Variants in MTMR12 observed in about 807,000 individuals in gnomAD.
MTMR12 encodes myotubularin-related protein 12.
A neutral mutation model predicts 96.7 loss-of-function variants in MTMR12; 33 were observed. The ratio of observed to expected loss-of-function variants is 0.34; its 90% confidence interval spans 0.26 to 0.46. The LOEUF (loss-of-function observed/expected upper bound fraction) is 0.46, where lower values mean the gene tolerates loss of function less well. MTMR12 is among the 20% of genes least tolerant of loss of function. MTMR12 has a pLI of 1.00. For synonymous variants in MTMR12, 298 were observed against 327.2 expected (o/e 0.91, Z 0.96); for missense variants, 721 against 896.1 (o/e 0.80, Z 2.49).
At chr5:32,245,309 T>C (rs1748637521) in intron 10 of MTMR12, among the ~76,000 whole-genome samples, 2 of 152,198 alleles carry the variant, frequency 1.3e-5, no homozygotes, top group South Asian at 4.1e-4. Flanking sequence ...GTGCTGCAAT[T>C]ATACACGTGA....
chr5:32,237,704 G>A (rs1316460444), intron 13 of MTMR12, among the ~76,000 whole-genome samples: 3 of 151,996 alleles, frequency 2.0e-5, no homozygotes, highest in African/African-American at 7.2e-5. Flanking sequence ...TAGAGACGGG[G>A]TTTCACCGTG....
rs796251540 is a variant in MTMR12 at position 32,299,064 on chromosome 5, CACACAT to C, written c.81+13688_81+13693del. 5.0e-3 allele frequency among the ~76,000 whole-genome samples: 758 copies of C among 151,728 alleles called. 9 individuals carry two copies. The highest frequency in any genetic ancestry group is 0.017 in the African/African-American group (693 of 41,282). On this transcript the variant is annotated intron_variant, in intron 1 of 15. Transcript: ENST00000382142. ...ACACACACATGAATGCGCACACACA[CACACAT>C]ACACATACACACACACGCACACACA... is the stretch of plus-strand genomic sequence containing the variant.
intron 1 of MTMR12, among the ~76,000 whole-genome samples, chr5:32,299,011 A>G (rs1581645241): frequency 6.6e-6 from 1 of 151,944 alleles, no homozygotes; most frequent in Non-Finnish European, 1.5e-5. Context: ...TCTTGCCACA[A>G]TCAGGACCTG....
chr5:32,308,854 C>T (rs1751461178), intron 1 of MTMR12, among the ~76,000 whole-genome samples: 1 of 152,168 alleles, frequency 6.6e-6, no homozygotes, highest in Non-Finnish European at 1.5e-5. Flanking sequence ...CCACCCACCT[C>T]GGCCTCCCAA....
chr5:32,309,806 T>C (rs1043948879), intron 1 of MTMR12: 2 of 152,010 alleles, frequency 1.3e-5, no homozygotes, highest in African/African-American at 4.8e-5. Context: ...AAGTATGAGA[T>C]ATCATCTCAT....
Position 32,306,676 on chromosome 5 carries a change from C to G in MTMR12, c.81+6082G>C, listed in dbSNP as rs550392692. ...CCTGGTTTAGCACTGGCACTGCTGG[C>G]TAGTAGGAGAGAGTTTTTATCTCTG... On this transcript the variant is annotated intron_variant, in intron 1 of 15. Coordinates refer to ENST00000382142, the MANE Select transcript of MTMR12 (RefSeq NM_001040446.3). Among the ~76,000 whole-genome samples the G allele has an allele frequency of 5.9e-5, 9 of 152,260 alleles. No individual in the cohort carries two copies. In the South Asian group the frequency reaches 1.9e-3, roughly 32 times the overall value.
rs773160934 is a variant in MTMR12 at position 32,239,042 on chromosome 5, A to G, written c.1303T>C (p.Leu435=). 1 of 1,608,516 alleles carries G rather than the reference A, an allele frequency of 6.2e-7. No individual in the cohort carries two copies. The highest frequency in any genetic ancestry group is 8.5e-7 in the Non-Finnish European group (1 of 1,177,158). Residue 435 remains leucine (L), a synonymous_variant, in exon 13 of 16, where the codon TTG becomes CTG. Coordinates refer to ENST00000382142, the MANE Select transcript of MTMR12 (RefSeq NM_001040446.3). ...KEWVMGGHCF[L]DRCNHLRQND... is the part of the protein sequence containing the mutation. ...TGGCGGAGATGGTTGCAGCGATCCAAGAAACAGTGGCCACCCATGACCCAC... is the reference window on the plus strand; with the variant it reads ...TGGCGGAGATGGTTGCAGCGATCCAGGAAACAGTGGCCACCCATGACCCAC...
Position 32,235,004 on chromosome 5 carries a change from G to A in MTMR12, c.1470C>T (p.Ser490=), listed in dbSNP as rs775632987. The change falls in exon 14 of 16, where the codon AGC becomes AGT. Residue 490 remains serine (S), a synonymous_variant. Transcript: ENST00000382142. ...GATGAGGTGAATTGAAGAAGAAGGTGCTAAAAATAGGTATATACAGGCTAT... is the reference window on the plus strand; with the variant it reads ...GATGAGGTGAATTGAAGAAGAAGGTACTAAAAATAGGTATATACAGGCTAT... The part of the protein sequence containing the change: ...LSDSLYIPIF[S]TFFFNSPHQK... 6.2e-7 allele frequency: 1 copy of A among 1,613,608 alleles called. No individual in the cohort carries two copies. Among genetic ancestry groups the A allele is most frequent in the African/African-American group, 1.3e-5 (1 of 74,914 alleles).
chr5:32,306,395 T>C (rs564666671), intron 1 of MTMR12, among the ~76,000 whole-genome samples: 1 of 152,334 alleles, frequency 6.6e-6, no homozygotes, highest in South Asian at 2.1e-4. Flanking sequence ...CTAGTAATTA[T>C]TCATTTTCAT....
At position 32,229,808 on chromosome 5, in the gene MTMR12, T is replaced by C. The variant is rs1747917762; in HGVS notation, c.2214A>G (p.Glu738=). ...CATCCCCTAGGTCCACGAACTCATC[T>C]TCTCGTTTGGCCAAATCGTCTTCAT... ...LGDEDDLAKR[E]DEFVDLGDV is the part of the protein sequence containing the mutation. The change falls in exon 16 of 16, where the codon GAA becomes GAG. Residue 738 remains glutamate, a synonymous_variant. Coordinates refer to ENST00000382142, the MANE Select transcript of MTMR12 (RefSeq NM_001040446.3). 38 of 1,555,794 alleles carry C rather than the reference T, an allele frequency of 2.4e-5. No individual in the cohort carries two copies. Among genetic ancestry groups the C allele is most frequent in the Non-Finnish European group, 3.3e-5 (38 of 1,151,786 alleles).
chr5:32,283,070 C>T (rs1279718346), intron 1 of MTMR12, among the ~76,000 whole-genome samples: 1 of 152,134 alleles, frequency 6.6e-6, no homozygotes, highest in East Asian at 1.9e-4. Flanking sequence ...GTGGGTTCCC[C>T]TGAAATTCCC....
chr5:32,278,440 A>G (rs553119005), intron 1 of MTMR12, among the ~76,000 whole-genome samples: 1 of 152,266 alleles, frequency 6.6e-6, no homozygotes, highest in East Asian at 1.9e-4. Flanking sequence ...TTGTTAATTC[A>G]GACTGAAATA....
intron 8 of MTMR12, among the ~76,000 whole-genome samples, chr5:32,251,054 C>CTTTTTTTT (rs1299015165): frequency 3.1e-4 from 41 of 131,008 alleles, no homozygotes; most frequent in Non-Finnish European, 5.9e-4. Flanking sequence ...AGGTCCCTCT[C>CTTTTTTTT]TTTTTTTTTT....
At chr5:32,244,170 T>C (rs927365664) in intron 10 of MTMR12, among the ~76,000 whole-genome samples, 1 of 151,892 alleles carries the variant, frequency 6.6e-6, no homozygotes, top group African/African-American at 2.4e-5. Context: ...ATCCCAGCAC[T>C]ATAATCCCAG....
chr5:32,228,558 T>TATATATATATG lies in MTMR12; in HGVS notation c.*1219_*1220insCATATATATAT, dbSNP rs1747835575. 2 of 116,460 alleles carry TATATATATATG rather than the reference T, an allele frequency of 1.7e-5. No homozygotes were observed. The highest frequency in any genetic ancestry group is 3.6e-5 in the Non-Finnish European group (2 of 55,182). The allele number at this position is 116,460 out of a possible 1,614,324, so 7.2% of individuals were successfully genotyped here. A position where few individuals can be genotyped will look rare whatever the true frequency, so the allele number is the denominator to read the frequency against. ...TGATATATATATCATATATATGTGA[T>TATATATATATG]ATATATATATCATATATATATCATA... is the stretch of plus-strand genomic sequence containing the variant. On this transcript the variant is annotated 3_prime_UTR_variant, in exon 16 of 16. Coordinates refer to ENST00000382142, the MANE Select transcript of MTMR12 (RefSeq NM_001040446.3).
chr5:32,249,265 GTATGATTATT>G lies in MTMR12; in HGVS notation c.790-397_790-388del, dbSNP rs895625928. 7.4e-4 allele frequency among the ~76,000 whole-genome samples: 113 copies of G among 152,226 alleles called. 1 individual carries two copies. The highest frequency in any genetic ancestry group is 3.4e-3 in the Middle Eastern group (1 of 294). On this transcript the variant is annotated intron_variant, in intron 8 of 15. Transcript: ENST00000382142. Reference sequence around the variant, plus strand: ...TTGTTATGGTAACTCTCTGTGATGGGTATGATTATTTATCCCCCTTAACAGCAAGAAACTG... The same window carrying G: ...TTGTTATGGTAACTCTCTGTGATGGGTATCCCCCTTAACAGCAAGAAACTG...
At chr5:32,276,558 A>G (rs1016251188) in intron 2 of MTMR12, 124 bp downstream of exon 2, 9 of 776,360 alleles carry the variant, frequency 1.2e-5, no homozygotes, top group South Asian at 1.1e-4. Context: ...TGTTTTTTCA[A>G]TTCATTACTG....
At chr5:32,268,931 C>G (rs1233968904) in intron 5 of MTMR12, 137 bp from the exon 6 acceptor site, 2 of 625,558 alleles carry the variant, frequency 3.2e-6, no homozygotes, top group Non-Finnish European at 5.7e-6. Context: ...CATTTGAGAT[C>G]TGTATCTATG....
At chr5:32,311,385 A>T (rs946588124) in intron 1 of MTMR12, among the ~76,000 whole-genome samples, 1 of 152,202 alleles carries the variant, frequency 6.6e-6, no homozygotes, top group African/African-American at 2.4e-5. Flanking sequence ...GACCCATTTT[A>T]AGAGCACTTT....
Sources: allele counts gnomAD v4.1 joint callset (sites outside exome capture counted in the v4.1 genomes callset), GRCh38; gene constraint gnomAD v4.1.1; transcripts MANE v1.5; gene names NCBI Gene and HGNC (gene_info 2026-07-23, HGNC 2026-07-21).